Variants in HLA-DQB2 observed in about 807,000 individuals in gnomAD.
HLA-DQB2 encodes the protein HLA class II histocompatibility antigen, DQ beta 2 chain.
A neutral mutation model predicts 29.2 loss-of-function variants in HLA-DQB2; 24 were observed. That is an observed-to-expected ratio of 0.82 (90% CI 0.60 to 1.16). The LOEUF (loss-of-function observed/expected upper bound fraction) is 1.16. Among genes scored for constraint, HLA-DQB2 ranks in the 50% most tolerant of loss-of-function variants. HLA-DQB2 has a pLI of 0.00. For synonymous variants in HLA-DQB2, 104 were observed against 133.1 expected (o/e 0.78, Z 1.51); for missense variants, 273 against 343.6 (o/e 0.79, Z 1.62).
intron 3 of HLA-DQB2, among the ~76,000 whole-genome samples, chr6:32,758,399 ACTCC>A (rs1476784096): frequency 2.0e-5 from 3 of 151,530 alleles, no homozygotes; most frequent in Non-Finnish European, 4.4e-5. Context: ...GAGACACCTC[ACTCC>A]CTCTTTTCCT....
rs1361126998 is a variant in HLA-DQB2 at position 32,761,790 on chromosome 6, C to T, written c.234G>A (p.Val78=). 6.3e-7 allele frequency: 1 copy of T among 1,591,640 alleles called. No individual in the cohort carries two copies. Among genetic ancestry groups the T allele is most frequent in the Non-Finnish European group, 8.6e-7 (1 of 1,169,202 alleles). Residue 78 remains valine, a synonymous_variant, in exon 2 of 6, where the codon GTG becomes GTA. Transcript: ENST00000437316. ...FDSDVGEFQA[V]TELGRSIEDW... is the part of the protein sequence containing the mutation. The stretch of plus-strand genomic sequence containing the variant: ...CCTCGATGCTCCGCCCCAGCTCGGT[C>T]ACCGCCTGGAACTCCCCAACGTCGC...
chr6:32,762,112 C>A (rs954813791), intron 1 of HLA-DQB2, among the ~76,000 whole-genome samples, 186 bp from the exon 2 acceptor site: 2 of 152,048 alleles, frequency 1.3e-5, no homozygotes, highest in Non-Finnish European at 2.9e-5. Context: ...GGCATCTCTG[C>A]CCCAGCCCTG....
Position 32,758,940 on chromosome 6 carries a change from C to G in HLA-DQB2, c.556G>C (p.Val186Leu). The G allele has an allele frequency of 6.2e-7, 1 of 1,614,210 alleles. No homozygotes were observed. The highest frequency in any genetic ancestry group is 8.5e-7 in the Non-Finnish European group (1 of 1,180,036). ...RNGDWTFQIL[V>L]MLEITPQRGD... ...CGCTGGGGAGTTATTTCCAGCATCA[C>G]CAGAATCTGGAAGGTCCAGTCACCA... Residue 186 changes from valine (V) to leucine (L), a missense_variant, in exon 3 of 6, where the codon GTG becomes CTG. By Grantham distance (32) the Val-to-Leu change is conservative. Coordinates refer to ENST00000437316, the MANE Select transcript of HLA-DQB2 (RefSeq NM_001300790.2).
intron 5 of HLA-DQB2, 49 bp downstream of exon 5, chr6:32,757,232 T>G: frequency 6.5e-7 from 1 of 1,550,038 alleles, no homozygotes; most frequent in Admixed American, 2.0e-5. Flanking sequence ...GGCTCTTCCC[T>G]CTTATGCCTG....
At position 32,761,669 on chromosome 6, in the gene HLA-DQB2, G is replaced by T; in HGVS notation, c.355C>A (p.Gln119Lys). 1 of 1,548,796 alleles carries T rather than the reference G, an allele frequency of 6.5e-7. No homozygotes were observed. The change falls in exon 2 of 6, where the codon CAG becomes AAG. Residue 119 changes from glutamine to lysine, a missense_variant. Coordinates refer to ENST00000437316, the MANE Select transcript of HLA-DQB2 (RefSeq NM_001300790.2). ...GGACGACGACGCTCACCTTGCCGCTGCAAGGTCGTGCGCAGCTCCGCCTCG... is the reference window on the plus strand; with the variant it reads ...GGACGACGACGCTCACCTTGCCGCTTCAAGGTCGTGCGCAGCTCCGCCTCG... ...NYEAELRTTLQRQVEPTVTIS... is the reference protein window; with the variant it reads ...NYEAELRTTLKRQVEPTVTIS...
chr6:32,761,765 C>T lies in HLA-DQB2; in HGVS notation c.259G>A (p.Asp87Asn). The T allele has an allele frequency of 1.3e-6, 2 of 1,570,742 alleles. No homozygotes were observed. Among genetic ancestry groups the T allele is most frequent in the Non-Finnish European group, 1.7e-6 (2 of 1,158,170 alleles). The change falls in exon 2 of 6, where the codon GAC becomes AAC. Residue 87 changes from aspartate (D) to asparagine (N), a missense_variant. Asp to Asn is a conservative substitution (Grantham distance 23). Transcript: ENST00000437316. ...AVTELGRSIE[D>N]WNNYKDFLEQ... ...AAGAAGTCCTTATAGTTGTTCCAGT[C>T]CTCGATGCTCCGCCCCAGCTCGGTC...
At chr6:32,760,451 A>G (rs868090611) in intron 2 of HLA-DQB2, among the ~76,000 whole-genome samples, 1 of 152,208 alleles carries the variant, frequency 6.6e-6, no homozygotes, top group Admixed American at 6.5e-5. Flanking sequence ...TCATGTACCA[A>G]TATTACGATA....
At chr6:32,759,152 G>A (rs1196664931) in intron 2 of HLA-DQB2, 21 bp from the exon 3 acceptor site, 2 of 1,611,018 alleles carry the variant, frequency 1.2e-6, no homozygotes, top group South Asian at 1.1e-5. Flanking sequence ...TAACAGACAG[G>A]GAAAGATATA....
chr6:32,761,411 G>A (rs1327256701), intron 2 of HLA-DQB2, among the ~76,000 whole-genome samples: 1 of 152,236 alleles, frequency 6.6e-6, no homozygotes, highest in African/African-American at 2.4e-5. Flanking sequence ...GGACGGGGAG[G>A]CTGGGGACAC....
chr6:32,757,915 C>A, intron 3 of HLA-DQB2, 32 bp from the exon 4 acceptor site: 3 of 1,581,496 alleles, frequency 1.9e-6, no homozygotes, highest in Non-Finnish European at 2.6e-6. Flanking sequence ...GAGTGTTTGT[C>A]CCCACACCCC....
At chr6:32,758,383 C>T (rs1385263546) in intron 3 of HLA-DQB2, among the ~76,000 whole-genome samples, 2 of 152,144 alleles carry the variant, frequency 1.3e-5, no homozygotes, top group African/African-American at 4.8e-5. Context: ...CCTGCCCCTG[C>T]CCTGTGAGAC....
intron 5 of HLA-DQB2, 96 bp downstream of exon 5, chr6:32,757,184 TA>T: frequency 6.5e-7 from 1 of 1,533,126 alleles, no homozygotes; most frequent in Non-Finnish European, 8.8e-7. Flanking sequence ...CACGTCCAGC[TA>T]ATTTTTGTAT....
intron 2 of HLA-DQB2, among the ~76,000 whole-genome samples, chr6:32,760,599 G>C (rs4947346): frequency 0.63 from 95,643 of 152,012 alleles, 30,585 homozygotes; most frequent in East Asian, 0.82. Flanking sequence ...GAATGTTTAT[G>C]CCTGAAGTGG....
chr6:32,761,579 C>A lies in HLA-DQB2; in HGVS notation c.364+81G>T, dbSNP rs114079252. ...TGGATCAGGGCTCGGTCCTTGAGGC[C>A]GCGCCGTCCTCGCCCCTCTGTGCGC... On this transcript the variant is annotated intron_variant, in intron 2 of 5. Coordinates refer to ENST00000437316, the MANE Select transcript of HLA-DQB2 (RefSeq NM_001300790.2). 5.9e-4 allele frequency: 845 copies of A among 1,430,924 alleles called. 4 individuals are homozygous for A. The African/African-American group carries it at 0.011, about 18-fold the overall frequency. The allele number at this position is 1,430,924 out of a possible 1,614,324, so 88.6% of individuals were successfully genotyped here. A position where few individuals can be genotyped will look rare whatever the true frequency, so the allele number is the denominator to read the frequency against.
Position 32,757,809 on chromosome 6 carries a change from C to A in HLA-DQB2, c.721G>T (p.Gly241Trp), listed in dbSNP as rs769713525. ...GGFVLGLIFL[G>W]LGLIIRHRGQ... Reference sequence around the variant, plus strand: ...CTGTGACGGATGATAAGGCCCAGCCCGAGGAAGATCAGCCCCAGCACGAAG... The same window carrying A: ...CTGTGACGGATGATAAGGCCCAGCCAGAGGAAGATCAGCCCCAGCACGAAG... The change falls in exon 4 of 6, where the codon GGG becomes TGG. Residue 241 changes from glycine to tryptophan, a missense_variant. Coordinates refer to ENST00000437316, the MANE Select transcript of HLA-DQB2 (RefSeq NM_001300790.2). 14 of 1,613,610 alleles carry A rather than the reference C, an allele frequency of 8.7e-6. No homozygotes were observed. The African/African-American group carries it at 1.9e-4, about 22-fold the overall frequency.
In HLA-DQB2 at chr6:32,761,783, G is replaced by T; in HGVS notation, c.241C>A (p.Leu81Met). 6.3e-7 allele frequency: 1 copy of T among 1,586,254 alleles called. No individual in the cohort carries two copies. The highest frequency in any genetic ancestry group is 1.1e-5 in the South Asian group (1 of 87,174). ...TTCCAGTCCTCGATGCTCCGCCCCAGCTCGGTCACCGCCTGGAACTCCCCA... is the reference window on the plus strand; with the variant it reads ...TTCCAGTCCTCGATGCTCCGCCCCATCTCGGTCACCGCCTGGAACTCCCCA... ...DVGEFQAVTE[L>M]GRSIEDWNNY... is the part of the protein sequence containing the mutation. Residue 81 changes from leucine (L) to methionine (M), a missense_variant, in exon 2 of 6, where the codon CTG becomes ATG. Coordinates refer to ENST00000437316, the MANE Select transcript of HLA-DQB2 (RefSeq NM_001300790.2).
chr6:32,756,411 A>T lies in HLA-DQB2; in HGVS notation c.*42T>A. On this transcript the variant is annotated 3_prime_UTR_variant, in exon 6 of 6. Coordinates refer to ENST00000437316, the MANE Select transcript of HLA-DQB2 (RefSeq NM_001300790.2). ...TTCTGGGCAGGGGCAGGTGGGCATT[A>T]CAGAAGAGTGATGACCAATCCCAGA... 8.2e-7 allele frequency: 1 copy of T among 1,222,412 alleles called. No homozygotes were observed. The highest frequency in any genetic ancestry group is 1.2e-6 in the Non-Finnish European group (1 of 836,078). 75.7% of individuals were successfully genotyped at this position (1,222,412 alleles called of 1,614,324 possible). A position where few individuals can be genotyped will look rare whatever the true frequency, so the allele number is the denominator to read the frequency against.
chr6:32,763,043 GTCTTTGGGGAAATGCATA>G (rs1007146759), intron 1 of HLA-DQB2, among the ~76,000 whole-genome samples: 22 of 150,352 alleles, frequency 1.5e-4, no homozygotes, highest in South Asian at 4.2e-4. Context: ...ATCCTACTGT[GTCTTTGGGGAAATGCATA>G]TCTTTGGGGA....
Position 32,757,242 on chromosome 6 carries a change from G to T in HLA-DQB2, c.781+39C>A, listed in dbSNP as rs1422720759. Reference sequence around the variant, plus strand: ...ACCATGGCTCTTCCCTCTTATGCCTGTGCCCTCTCCCCTGACTGGATCATG... The same window carrying T: ...ACCATGGCTCTTCCCTCTTATGCCTTTGCCCTCTCCCCTGACTGGATCATG... On this transcript the variant is annotated intron_variant, in intron 5 of 5. Coordinates refer to ENST00000437316, the MANE Select transcript of HLA-DQB2 (RefSeq NM_001300790.2). 11 of 1,549,992 alleles carry T rather than the reference G, an allele frequency of 7.1e-6. No individual in the cohort carries two copies. The South Asian group carries it at 1.3e-4, about 18-fold the overall frequency.
Sources: gnomAD v4.1 joint callset for allele counts (sites outside exome capture counted in the v4.1 genomes callset) on GRCh38, gnomAD v4.1.1 for gene constraint, MANE v1.5 for transcripts, NCBI Gene and HGNC (gene_info 2026-07-23, HGNC 2026-07-21) for gene names.